Variants in SUCLG2 observed in about 807,000 individuals in gnomAD.
SUCLG2 encodes the protein succinate--CoA ligase [GDP-forming] subunit beta, mitochondrial.
Under a neutral mutation model 47.9 loss-of-function variants are expected in SUCLG2, and 42 were observed. The ratio of observed to expected loss-of-function variants is 0.88; its 90% CI spans 0.69 to 1.14. SUCLG2 has a LOEUF of 1.14. Among genes scored for constraint, SUCLG2 ranks in the 50% most tolerant of loss-of-function variants. The pLI, the probability that SUCLG2 is intolerant of heterozygous loss-of-function variation, is 0.00. For missense variants in SUCLG2, 571 were observed against 525.9 expected, an observed-to-expected ratio of 1.09 and a Z score of -0.84; for synonymous variants, 195 against 197.3, an observed-to-expected ratio of 0.99 and a Z score of 0.10.
At chr3:67,409,182 TG>T in intron 9 of SUCLG2, 1 of 828,662 alleles carries the variant, frequency 1.2e-6, no homozygotes, top group Non-Finnish European at 1.8e-6. Flanking sequence ...TAGATGGGGC[TG>T]GGGAGGGGTC....
intron 9 of SUCLG2, among the ~76,000 whole-genome samples, chr3:67,482,879 G>A (rs1025344806): frequency 1.3e-5 from 2 of 152,122 alleles, no homozygotes; most frequent in Non-Finnish European, 2.9e-5. Context: ...AGGCCTTTCA[G>A]TATTAGAGCA....
At chr3:67,558,643 T>C (rs931383841) in intron 2 of SUCLG2, among the ~76,000 whole-genome samples, 1 of 152,158 alleles carries the variant, frequency 6.6e-6, no homozygotes, top group Non-Finnish European at 1.5e-5. Flanking sequence ...GTAATAGAAA[T>C]TTCCTACTGA....
intron 1 of SUCLG2, among the ~76,000 whole-genome samples, chr3:67,614,965 T>G (rs539601922): frequency 6.6e-6 from 1 of 152,306 alleles, no homozygotes; most frequent in East Asian, 1.9e-4. Flanking sequence ...GCACCTAGGT[T>G]TTGTTCCCTT....
At chr3:67,373,939 A>G (rs1296664200), downstream of SUCLG2, among the ~76,000 whole-genome samples, 1 of 152,204 alleles carries the variant, frequency 6.6e-6, no homozygotes, top group Non-Finnish European at 1.5e-5. Context: ...TGAAAATAAA[A>G]GGCTATTTCC....
In SUCLG2 at chr3:67,621,274, A is replaced by G. The variant is rs1044617541; in HGVS notation, c.85-11678T>C. Among the ~76,000 whole-genome samples, 4 of 152,178 alleles carry G rather than the reference A, an allele frequency of 2.6e-5. No homozygotes were observed. The South Asian group carries it at 8.3e-4, about 32-fold the overall frequency. ...AGAAAGAAATGAGGGGATTCTGGAT[A>G]AAGTTTGGTGATGAGGTAAAGCTTA... On this transcript the variant is annotated intron_variant, in intron 1 of 10. Coordinates refer to ENST00000307227, the MANE Select transcript of SUCLG2 (RefSeq NM_003848.4).
chr3:67,621,036 T>C (rs1700727809), intron 1 of SUCLG2, among the ~76,000 whole-genome samples: 1 of 152,196 alleles, frequency 6.6e-6, no homozygotes. Flanking sequence ...TAGCAAACTT[T>C]TTCTATAAAG....
chr3:67,604,751 T>G (rs1288490520), intron 2 of SUCLG2, among the ~76,000 whole-genome samples: 1 of 152,178 alleles, frequency 6.6e-6, no homozygotes, highest in African/African-American at 2.4e-5. Flanking sequence ...CAACTAGGAA[T>G]GCAGCTTCAG....
Position 67,426,344 on chromosome 3 carries a change from T to A in SUCLG2, c.1063-25493A>T, listed in dbSNP as rs1363869506. Among the ~76,000 whole-genome samples the A allele has an allele frequency of 2.6e-5, 4 of 151,994 alleles. No homozygotes were observed. The East Asian group carries it at 7.7e-4, about 29-fold the overall frequency. ...GACATATAAGAAAGAATATATTAGGTGAAAAAGAAAGCTCTGATTACCCAA... is the reference window on the plus strand; with the variant it reads ...GACATATAAGAAAGAATATATTAGGAGAAAAAGAAAGCTCTGATTACCCAA... On this transcript the variant is annotated intron_variant, in intron 9 of 10. Transcript: ENST00000307227.
chr3:67,510,416 G>A (rs1705754737), intron 6 of SUCLG2, among the ~76,000 whole-genome samples: 1 of 152,116 alleles, frequency 6.6e-6, no homozygotes, highest in African/African-American at 2.4e-5. Context: ...GATAATACAT[G>A]TATATGATAC....
At chr3:67,427,230 G>A (rs1703325921) in intron 9 of SUCLG2, among the ~76,000 whole-genome samples, 1 of 152,042 alleles carries the variant, frequency 6.6e-6, no homozygotes, top group South Asian at 2.1e-4. Flanking sequence ...CAATTCACAG[G>A]TGAAACTGAA....
chr3:67,406,726 A>G (rs13087166), intron 9 of SUCLG2, among the ~76,000 whole-genome samples: 89,426 of 151,920 alleles, frequency 0.59, 26,673 homozygotes, highest in East Asian at 0.69. Context: ...CTCACAGAGC[A>G]AACGCCATGA....
chr3:67,390,407 TATA>T (rs1404241349), intron 10 of SUCLG2, among the ~76,000 whole-genome samples: 21 of 152,346 alleles, frequency 1.4e-4, no homozygotes, highest in African/African-American at 4.8e-4. Context: ...TTCTCAGCTG[TATA>T]ATAATTACAA....
chr3:67,444,115 G>C (rs1575700236), intron 9 of SUCLG2, among the ~76,000 whole-genome samples: 1 of 93,936 alleles, frequency 1.1e-5, no homozygotes. Context: ...AGGTGGGGGG[G>C]TCAGCCCCCC....
intron 2 of SUCLG2, among the ~76,000 whole-genome samples, chr3:67,601,961 G>A (rs971779108): frequency 7.3e-5 from 11 of 151,582 alleles, no homozygotes; most frequent in East Asian, 1.9e-4. Context: ...CAGCCGGGGC[G>A]ACAGAGCAAA....
intron 10 of SUCLG2, among the ~76,000 whole-genome samples, chr3:67,398,297 C>G (rs1702597113): frequency 6.6e-6 from 1 of 150,794 alleles, no homozygotes; most frequent in Admixed American, 6.6e-5. Context: ...TATCCAGAAT[C>G]TACAATGAAC....
chr3:67,527,294 C>G (rs753820097), intron 4 of SUCLG2, among the ~76,000 whole-genome samples: 1 of 152,206 alleles, frequency 6.6e-6, no homozygotes, highest in Admixed American at 6.5e-5. Context: ...GACCCTAATT[C>G]GCTGTTAGGA....
intron 9 of SUCLG2, among the ~76,000 whole-genome samples, chr3:67,457,599 C>A (rs185339215): frequency 6.9e-6 from 1 of 145,570 alleles, no homozygotes; most frequent in African/African-American, 2.6e-5. Flanking sequence ...CTAAGAGATA[C>A]AGAAATAAAA....
At chr3:67,478,883 T>C (rs964162301) in intron 9 of SUCLG2, among the ~76,000 whole-genome samples, 4 of 152,100 alleles carry the variant, frequency 2.6e-5, no homozygotes, top group African/African-American at 9.7e-5. Flanking sequence ...ACTTAAAGAA[T>C]TTTCAAAGTT....
rs575347265 is a variant in SUCLG2 at position 67,419,625 on chromosome 3, GA to G, written c.1063-18775del. 1.2e-4 allele frequency among the ~76,000 whole-genome samples: 18 copies of G among 152,216 alleles called. No homozygotes were observed. In the East Asian group the frequency reaches 2.7e-3, roughly 23 times the overall value. ...ATTCTGTCTGAAATGTTAATGAGAAGAGAAATCTATGTTGATTTGACCCCCA... is the reference window on the plus strand; with the variant it reads ...ATTCTGTCTGAAATGTTAATGAGAAGGAAATCTATGTTGATTTGACCCCCA... On this transcript the variant is annotated intron_variant, in intron 9 of 10. Transcript: ENST00000307227.
Sources: allele counts gnomAD v4.1 joint callset (sites outside exome capture counted in the v4.1 genomes callset), GRCh38; gene constraint gnomAD v4.1.1; transcripts MANE v1.5; gene names NCBI Gene and HGNC (gene_info 2026-07-23, HGNC 2026-07-21).